The following TAF4B variants were observed in gnomAD, a reference collection of about 807,000 sequenced individuals.
The protein encoded by TAF4B is TATA-box binding protein associated factor 4b.
A neutral mutation model predicts 86.4 loss-of-function variants in TAF4B; 38 were observed. That is an observed-to-expected ratio of 0.44 (90% CI 0.34 to 0.58). The LOEUF (loss-of-function observed/expected upper bound fraction) is 0.58. Among genes scored for constraint, TAF4B ranks in the 20% least tolerant of loss-of-function variants. The probability of loss-of-function intolerance (pLI) is 0.02; values close to 1 mark genes in which losing one functional copy is unlikely to be tolerated. For missense variants in TAF4B, 988 were observed against 1,027.6 expected (o/e 0.96, Z 0.53); for synonymous variants, 388 against 391.2 (o/e 0.99, Z 0.10).
At chr18:26,361,215 G>T (rs1402379319) in intron 14 of TAF4B, among the ~76,000 whole-genome samples, 1 of 151,520 alleles carries the variant, frequency 6.6e-6, no homozygotes, top group East Asian at 1.9e-4. Context: ...CCATTTCTGT[G>T]CCAGCCCCTA....
At chr18:26,357,887 C>A in intron 14 of TAF4B, 93 bp downstream of exon 14, 2 of 810,332 alleles carry the variant, frequency 2.5e-6, no homozygotes, top group Non-Finnish European at 3.7e-6. Context: ...CTGTTATGCA[C>A]GCTGTTGCTG....
intron 1 of TAF4B, among the ~76,000 whole-genome samples, chr18:26,235,641 T>C (rs534141298): frequency 1.3e-5 from 2 of 152,232 alleles, no homozygotes; most frequent in East Asian, 3.9e-4. Context: ...CCCTAAACCC[T>C]TGAGGCAAGA....
chr18:26,226,779 C>A lies in TAF4B; in HGVS notation c.-155C>A. On this transcript the variant is annotated 5_prime_UTR_variant, in exon 1 of 15. Coordinates refer to ENST00000269142, the MANE Select transcript of TAF4B (RefSeq NM_005640.3). The stretch of plus-strand genomic sequence containing the variant: ...CGCGCGTGTCCTGCCGTGCAGCGGG[C>A]GCCCGTCACTGACTTCGCTGCTGCG... The A allele has an allele frequency of 1.9e-6, 1 of 532,822 alleles. No individual in the cohort carries two copies. 33.0% of individuals were successfully genotyped at this position (532,822 alleles called of 1,614,324 possible). A position where few individuals can be genotyped will look rare whatever the true frequency, so the allele number is the denominator to read the frequency against.
chr18:26,227,218 C>T lies in TAF4B; in HGVS notation c.285C>T (p.Ala95=), dbSNP rs749338378. 5 of 1,613,820 alleles carry T rather than the reference C, an allele frequency of 3.1e-6. No homozygotes were observed. The highest frequency in any genetic ancestry group is 2.2e-5 in the East Asian group (1 of 44,850). ...GGCTGCCTGCTCCTCAGATAGTCGC[C>T]GTGAAAGCCCCCAACACCACGACAA... ...GPRLPAPQIV[A]VKAPNTTTIQ... The change falls in exon 1 of 15, where the codon GCC becomes GCT. Residue 95 remains alanine (A), a synonymous_variant. Transcript: ENST00000269142.
In TAF4B at chr18:26,226,532, T is replaced by G; in HGVS notation, c.-402T>G. The G allele has an allele frequency of 6.3e-6, 1 of 159,084 alleles. No homozygotes were observed. Among genetic ancestry groups the G allele is most frequent in the East Asian group, 1.8e-4 (1 of 5,598 alleles). 9.9% of individuals were successfully genotyped at this position (159,084 alleles called of 1,614,324 possible). On this transcript the variant is annotated 5_prime_UTR_variant, in exon 1 of 15. Coordinates refer to ENST00000269142, the MANE Select transcript of TAF4B (RefSeq NM_005640.3). Reference sequence around the variant, plus strand: ...GCTGTGGGCACTCGGGGTTCGTAGTTTTGAAATTTCTGGCGGGGGAGCAGC... The same window carrying G: ...GCTGTGGGCACTCGGGGTTCGTAGTGTTGAAATTTCTGGCGGGGGAGCAGC...
intron 13 of TAF4B, among the ~76,000 whole-genome samples, chr18:26,345,383 G>A (rs999648917): frequency 9.2e-5 from 14 of 152,140 alleles, no homozygotes; most frequent in Non-Finnish European, 4.4e-5. Context: ...GCATGTCCTC[G>A]GGCCGGCTGA....
chr18:26,273,486 A>T (rs775229179), intron 3 of TAF4B, among the ~76,000 whole-genome samples: 2 of 152,182 alleles, frequency 1.3e-5, no homozygotes, highest in Non-Finnish European at 2.9e-5. Context: ...CCCCAAACCC[A>T]TGTTAGGGCC....
chr18:26,336,214 A>G (rs2057089927), intron 13 of TAF4B, among the ~76,000 whole-genome samples: 1 of 152,210 alleles, frequency 6.6e-6, no homozygotes, highest in Non-Finnish European at 1.5e-5. Context: ...CACTGATTTC[A>G]TGCAATTTTT....
chr18:26,245,878 T>G (rs555933412), intron 1 of TAF4B, among the ~76,000 whole-genome samples: 54 of 152,344 alleles, frequency 3.5e-4, no homozygotes, highest in African/African-American at 1.3e-3. Flanking sequence ...TTTGACCACT[T>G]GCCTATTCGC....
intron 14 of TAF4B, among the ~76,000 whole-genome samples, chr18:26,362,907 A>T (rs1474652704): frequency 6.6e-6 from 1 of 152,240 alleles, no homozygotes; most frequent in Non-Finnish European, 1.5e-5. Flanking sequence ...TACAACAATT[A>T]AAAACTATAC....
intron 7 of TAF4B, among the ~76,000 whole-genome samples, chr18:26,291,486 C>T (rs1057051434): frequency 3.3e-5 from 5 of 151,936 alleles, no homozygotes; most frequent in Admixed American, 2.6e-4. Flanking sequence ...GTGGGCGGAT[C>T]GCTTGAGGTC....
intron 14 of TAF4B, among the ~76,000 whole-genome samples, chr18:26,385,570 A>T (rs1390829167): frequency 6.6e-6 from 1 of 151,198 alleles, no homozygotes; most frequent in Admixed American, 6.6e-5. Context: ...TTTCATTTTC[A>T]TCCAGGTGAA....
In TAF4B at chr18:26,226,755, G is replaced by C. The variant is rs545940375; in HGVS notation, c.-179G>C. ...CGCGGACGAGAGGAAGGTCCGGGAC[G>C]CGCGTGTCCTGCCGTGCAGCGGGCG... On this transcript the variant is annotated 5_prime_UTR_variant, in exon 1 of 15. Coordinates refer to ENST00000269142, the MANE Select transcript of TAF4B (RefSeq NM_005640.3). 6.6e-5 allele frequency: 31 copies of C among 470,728 alleles called. 4 individuals are homozygous for C. In the South Asian group the frequency reaches 1.8e-3, roughly 28 times the overall value. 29.2% of individuals were successfully genotyped at this position (470,728 alleles called of 1,614,324 possible).
At chr18:26,333,684 T>C (rs1158784503) in intron 12 of TAF4B, among the ~76,000 whole-genome samples, 1 of 152,234 alleles carries the variant, frequency 6.6e-6, no homozygotes, top group African/African-American at 2.4e-5. Flanking sequence ...CCACTGCCTC[T>C]AGCCTATTTA....
chr18:26,247,583 A>G (rs1445482935), intron 1 of TAF4B, among the ~76,000 whole-genome samples: 2 of 152,194 alleles, frequency 1.3e-5, no homozygotes, highest in African/African-American at 4.8e-5. Flanking sequence ...TCTTCTTTTA[A>G]AAAAAATTGA....
At chr18:26,262,622 G>A (rs1028389487) in intron 1 of TAF4B, among the ~76,000 whole-genome samples, 1 of 151,802 alleles carries the variant, frequency 6.6e-6, no homozygotes, top group African/African-American at 2.4e-5. Context: ...AGGATTACAG[G>A]TGCCTGCCAC....
At chr18:26,315,476 G>A (rs1214354465) in intron 10 of TAF4B, 78 bp downstream of exon 10, 1 of 1,185,008 alleles carries the variant, frequency 8.4e-7, no homozygotes, top group African/African-American at 1.5e-5. Flanking sequence ...GACAACCTGG[G>A]TTGGTTGTCC....
intron 8 of TAF4B, among the ~76,000 whole-genome samples, chr18:26,293,149 A>G (rs1392356253): frequency 6.6e-6 from 1 of 152,220 alleles, no homozygotes; most frequent in African/African-American, 2.4e-5. Flanking sequence ...TAAGCAATGT[A>G]TTATTAACAT....
Position 26,292,341 on chromosome 18 carries a change from G to A in TAF4B, c.1686G>A (p.Met562Ile). 1 of 1,614,148 alleles carries A rather than the reference G, an allele frequency of 6.2e-7. No homozygotes were observed. The highest frequency in any genetic ancestry group is 2.2e-5 in the East Asian group (1 of 44,886). ...LTIQKCGQKTMPVNTIIPTSQ... is the reference protein window; with the variant it reads ...LTIQKCGQKTIPVNTIIPTSQ... Reference sequence around the variant, plus strand: ...TTCAGAAATGTGGACAGAAGACGATGCCAGTGAACACCATAATACCTACTA... The same window carrying A: ...TTCAGAAATGTGGACAGAAGACGATACCAGTGAACACCATAATACCTACTA... Residue 562 changes from methionine to isoleucine, a missense_variant, in exon 8 of 15, where the codon ATG becomes ATA. Physicochemically the swap from Met to Ile is conservative, Grantham distance 10. This residue lies in a region of TAF4B where 747 missense variants were observed against 737.9 expected (regional missense o/e 1.01). Transcript: ENST00000269142.
Sources: allele counts gnomAD v4.1 joint callset (sites outside exome capture counted in the v4.1 genomes callset), GRCh38; gene constraint gnomAD v4.1.1; regional missense constraint gnomAD v4.1.1; transcripts MANE v1.5; gene names NCBI Gene and HGNC (gene_info 2026-07-23, HGNC 2026-07-21).